Variants in PRKD1 observed in about 807,000 individuals in gnomAD.
The protein encoded by PRKD1 is serine/threonine-protein kinase D1.
In PRKD1, 63 loss-of-function variants were observed where a neutral mutation model predicts 95.9. That is an observed-to-expected ratio of 0.66 (90% CI 0.54 to 0.81). The LOEUF (loss-of-function observed/expected upper bound fraction) is 0.81. Ranked by LOEUF, PRKD1 falls within the 30% of genes least tolerant of loss-of-function variation. PRKD1 has a pLI of 0.00. For missense variants in PRKD1, 1,048 were observed against 1,165.3 expected (o/e 0.90, Z 1.47); for synonymous variants, 425 against 423.1 (o/e 1.00, Z -0.05).
chr14:29,707,732 T>C (rs1275281755), intron 2 of PRKD1, among the ~76,000 whole-genome samples: 1 of 152,128 alleles, frequency 6.6e-6, no homozygotes, highest in Non-Finnish European at 1.5e-5. Context: ...AACTCCCTGT[T>C]TGTATATGAA....
At chr14:29,821,734 C>A (rs562268864) in intron 1 of PRKD1, among the ~76,000 whole-genome samples, 1 of 152,246 alleles carries the variant, frequency 6.6e-6, no homozygotes, top group Middle Eastern at 3.4e-3. Context: ...GGCAAAATAT[C>A]ATAATAAACC....
intron 1 of PRKD1, among the ~76,000 whole-genome samples, chr14:29,869,572 C>T (rs1421925250): frequency 6.6e-6 from 1 of 151,948 alleles, no homozygotes; most frequent in Admixed American, 6.6e-5. Context: ...ATACATAGTA[C>T]TTTTTGTAAA....
At chr14:29,910,783 T>C (rs569093503) in intron 1 of PRKD1, among the ~76,000 whole-genome samples, 18 of 152,302 alleles carry the variant, frequency 1.2e-4, no homozygotes, top group African/African-American at 4.3e-4. Context: ...GAATCACTGA[T>C]AGAAATAGGG....
intron 1 of PRKD1, among the ~76,000 whole-genome samples, chr14:29,816,044 C>G (rs1400301069): frequency 6.6e-6 from 1 of 152,000 alleles, no homozygotes; most frequent in African/African-American, 2.4e-5. Context: ...ATGGTGAAAC[C>G]CCATCTCTAC....
intron 1 of PRKD1, among the ~76,000 whole-genome samples, chr14:29,778,902 A>T (rs1006407766): frequency 6.6e-6 from 1 of 152,198 alleles, no homozygotes; most frequent in Non-Finnish European, 1.5e-5. Flanking sequence ...AATACTGGCA[A>T]ACTGAATCCA....
At chr14:29,700,465 C>T (rs1307117019) in intron 2 of PRKD1, among the ~76,000 whole-genome samples, 1 of 152,176 alleles carries the variant, frequency 6.6e-6, no homozygotes, top group African/African-American at 2.4e-5. Context: ...CTAATCACTT[C>T]TGCTCCTTGT....
chr14:29,581,294 A>G (rs1892746887), intron 16 of PRKD1, among the ~76,000 whole-genome samples: 1 of 152,040 alleles, frequency 6.6e-6, no homozygotes, highest in African/African-American at 2.4e-5. Context: ...ACTGACCAAC[A>G]TTTTCCTCAC....
chr14:29,641,366 T>C (rs868216447), intron 4 of PRKD1, among the ~76,000 whole-genome samples: 13 of 152,342 alleles, frequency 8.5e-5, no homozygotes, highest in African/African-American at 1.2e-4. Flanking sequence ...GTCTGAAATA[T>C]GTCATTATTT....
chr14:29,771,784 C>T (rs535399503), intron 1 of PRKD1, among the ~76,000 whole-genome samples: 2 of 152,206 alleles, frequency 1.3e-5, no homozygotes, highest in African/African-American at 2.4e-5. Context: ...AACTTGAAAG[C>T]CTAACCCTCA....
At chr14:29,753,093 C>T (rs779552491) in intron 1 of PRKD1, among the ~76,000 whole-genome samples, 1 of 151,952 alleles carries the variant, frequency 6.6e-6, no homozygotes, top group Non-Finnish European at 1.5e-5. Flanking sequence ...AATGGAAAAG[C>T]AAGTCAATAT....
chr14:29,862,176 C>T (rs1216858998), intron 1 of PRKD1, among the ~76,000 whole-genome samples: 2 of 152,190 alleles, frequency 1.3e-5, no homozygotes, highest in African/African-American at 2.4e-5. Flanking sequence ...ATAATGACCA[C>T]CAGTTCCACC....
chr14:29,687,199 TCTC>T, intron 2 of PRKD1, among the ~76,000 whole-genome samples: 1 of 152,142 alleles, frequency 6.6e-6, no homozygotes. Context: ...CACTCTCTAA[TCTC>T]TTATGATAAT....
chr14:29,636,073 T>G (rs1262849968), intron 7 of PRKD1, among the ~76,000 whole-genome samples: 1 of 149,580 alleles, frequency 6.7e-6, no homozygotes, highest in Admixed American at 6.7e-5. Flanking sequence ...GTTCAATGAA[T>G]GAGGTGATGC....
At chr14:29,812,609 A>T (rs1226423700) in intron 1 of PRKD1, among the ~76,000 whole-genome samples, 1 of 152,202 alleles carries the variant, frequency 6.6e-6, no homozygotes, top group Non-Finnish European at 1.5e-5. Context: ...AGGAGGCAGG[A>T]GAAGAAGTGA....
chr14:29,718,609 G>A (rs1885737503), intron 2 of PRKD1, among the ~76,000 whole-genome samples: 1 of 152,116 alleles, frequency 6.6e-6, no homozygotes, highest in African/African-American at 2.4e-5. Flanking sequence ...AAAGAGAAAT[G>A]ACGTGTATTT....
intron 1 of PRKD1, among the ~76,000 whole-genome samples, chr14:29,819,844 A>G (rs2139266851): frequency 6.6e-6 from 1 of 152,342 alleles, no homozygotes; most frequent in African/African-American, 2.4e-5. Flanking sequence ...TTATTTCCAG[A>G]TGAAAAGTAA....
chr14:29,648,242 T>C (rs1881258389), intron 4 of PRKD1, among the ~76,000 whole-genome samples: 1 of 152,156 alleles, frequency 6.6e-6, no homozygotes, highest in Non-Finnish European at 1.5e-5. Context: ...ACTTTTCTAC[T>C]TCAATCCCCC....
intron 2 of PRKD1, among the ~76,000 whole-genome samples, chr14:29,700,039 C>T (rs1480864898): frequency 2.0e-5 from 3 of 151,366 alleles, no homozygotes; most frequent in Non-Finnish European, 4.4e-5. Context: ...ATTTCCCACA[C>T]TAGGTTCAAA....
chr14:29,605,128 T>C (rs992090035), intron 13 of PRKD1, among the ~76,000 whole-genome samples: 2 of 152,062 alleles, frequency 1.3e-5, no homozygotes, highest in Non-Finnish European at 2.9e-5. Flanking sequence ...AGCCCTCATC[T>C]CTTTTACAGG....
Sources: allele counts gnomAD v4.1 joint callset (sites outside exome capture counted in the v4.1 genomes callset), GRCh38; gene constraint gnomAD v4.1.1; transcripts MANE v1.5; gene names NCBI Gene and HGNC (gene_info 2026-07-23, HGNC 2026-07-21).